Variants in AFF4 observed in about 807,000 individuals in gnomAD.
The protein encoded by AFF4 is ALF transcription elongation factor 4, also known as AF4/FMR2 family member 4.
Under a neutral mutation model 124.8 loss-of-function variants are expected in AFF4, and 13 were observed. That is an observed-to-expected ratio of 0.10 (90% CI 0.07 to 0.17). The LOEUF (loss-of-function observed/expected upper bound fraction) is 0.17. Among genes scored for constraint, AFF4 ranks in the 10% least tolerant of loss-of-function variants. The pLI, the probability that AFF4 is intolerant of heterozygous loss-of-function variation, is 1.00. For missense variants in AFF4, 1,092 were observed against 1,403.8 expected, an observed-to-expected ratio of 0.78 and a Z score of 3.55; for synonymous variants, 477 against 496.1, an observed-to-expected ratio of 0.96 and a Z score of 0.51.
chr5:132,876,285 T>G lies in AFF4; in HGVS notation c.*4774A>C, dbSNP rs1387459586. ...GCATAAAGTTGTAAAATGGGGACAC[T>G]TCTGGAACACCAACAACAAACTCAA... On this transcript the variant is annotated 3_prime_UTR_variant, in exon 21 of 21. Transcript: ENST00000265343. The G allele has an allele frequency of 5.3e-6, 1 of 188,816 alleles. No individual in the cohort carries two copies. Among genetic ancestry groups the G allele is most frequent in the East Asian group, 9.3e-5 (1 of 10,786 alleles). 11.7% of individuals were successfully genotyped at this position (188,816 alleles called of 1,614,324 possible).
rs553399104 is a variant in AFF4, at chr5:132,901,120, C to T, written c.1133+1322G>A. The T allele has an allele frequency of 2.3e-4, 227 of 985,412 alleles. No homozygotes were observed. In the Middle Eastern group the frequency reaches 4.2e-3, roughly 18 times the overall value. 61.0% of individuals were successfully genotyped at this position (985,412 alleles called of 1,614,324 possible). On this transcript the variant is annotated intron_variant, in intron 7 of 20. Transcript: ENST00000265343. ...CAGGGGCTTAGTGCATCTATCTCTA[C>T]GACTGATTTTCCTCTAAGGAAATGT...
chr5:132,886,279 G>C (rs1196412405), intron 18 of AFF4, 31 bp downstream of exon 18: 2 of 1,598,206 alleles, frequency 1.3e-6, no homozygotes, highest in East Asian at 2.2e-5. Flanking sequence ...CTGTCTCCTA[G>C]GAAACGGACC....
At chr5:132,957,357 ATTATTATTTAAAATG>A (rs1283381258) in intron 1 of AFF4, among the ~76,000 whole-genome samples, 109 of 152,012 alleles carry the variant, frequency 7.2e-4, no homozygotes, top group Middle Eastern at 3.4e-3. Context: ...AATAATTATT[ATTATTATTTAAAATG>A]TTATTATTTA....
At position 132,886,345 on chromosome 5, in the gene AFF4, G is replaced by A. The variant is rs766311195; in HGVS notation, c.3064C>T (p.Leu1022=). 6.2e-7 allele frequency: 1 copy of A among 1,614,182 alleles called. No homozygotes were observed. The highest frequency in any genetic ancestry group is 1.1e-5 in the South Asian group (1 of 91,086). ...TCTGTCAGTGTCTTTGAGTACTTCA[G>A]AGCATTTTCCTTCTTCAGTTTGAAC... ...RLFKLKKENA[L]KYSKTLTEHL... The change falls in exon 18 of 21, where the codon CTG becomes TTG. Residue 1022 remains leucine (L), a synonymous_variant. Transcript: ENST00000265343.
At chr5:132,897,322 G>C in intron 10 of AFF4, 82 bp from the exon 11 acceptor site, 1 of 1,447,976 alleles carries the variant, frequency 6.9e-7, no homozygotes, top group Non-Finnish European at 9.4e-7. Context: ...TCAAAGAAGA[G>C]GAAAAACCAC....
intron 1 of AFF4, among the ~76,000 whole-genome samples, chr5:132,937,447 A>G (rs1761458790): frequency 6.6e-6 from 1 of 152,188 alleles, no homozygotes; most frequent in African/African-American, 2.4e-5. Flanking sequence ...AACCTTATCA[A>G]TGTTTGAAGT....
chr5:132,928,230 A>C (rs1396939400), intron 4 of AFF4, among the ~76,000 whole-genome samples: 2 of 152,104 alleles, frequency 1.3e-5, no homozygotes, highest in Non-Finnish European at 2.9e-5. Context: ...AAAAAACAAA[A>C]AAACAAACAA....
At chr5:132,959,449 G>C (rs936186366) in intron 1 of AFF4, among the ~76,000 whole-genome samples, 1 of 151,804 alleles carries the variant, frequency 6.6e-6, no homozygotes, top group Non-Finnish European at 1.5e-5. Flanking sequence ...ATAAAGAATA[G>C]CTGATAAAGC....
In AFF4 at chr5:132,904,127, T is replaced by G. The variant is rs757456888; in HGVS notation, c.1087+241A>C. 3.4e-4 allele frequency: 137 copies of G among 406,514 alleles called. 2 individuals carry two copies. In the South Asian group the frequency reaches 4.2e-3, roughly 12 times the overall value. The allele number at this position is 406,514 out of a possible 1,614,324, so 25.2% of individuals were successfully genotyped here. ...AAAAAATCAGCCAGGCATAGTGGCA[T>G]GTGCCCACAGTCCCAGCTACTCAGT... On this transcript the variant is annotated intron_variant, in intron 6 of 20. Transcript: ENST00000265343.
chr5:132,926,673 A>AC (rs1761177279), intron 5 of AFF4: 2 of 130,220 alleles, frequency 1.5e-5, no homozygotes, highest in Non-Finnish European at 3.1e-5. Flanking sequence ...AGTAACTGGG[A>AC]CCACGGGCCT....
chr5:132,905,634 A>G (rs1161307178), intron 5 of AFF4, among the ~76,000 whole-genome samples: 1 of 152,200 alleles, frequency 6.6e-6, no homozygotes, highest in Non-Finnish European at 1.5e-5. Context: ...CTGGGCCTTT[A>G]TATCACATCA....
intron 7 of AFF4, among the ~76,000 whole-genome samples, chr5:132,900,155 T>C (rs1480846131): frequency 6.6e-6 from 1 of 152,258 alleles, no homozygotes; most frequent in African/African-American, 2.4e-5. Flanking sequence ...GCCAAAGTTC[T>C]AGTTCATAAA....
chr5:132,960,110 T>A (rs536738402), intron 1 of AFF4, among the ~76,000 whole-genome samples: 1 of 152,268 alleles, frequency 6.6e-6, no homozygotes, highest in East Asian at 1.9e-4. Context: ...CAGGTCAGGT[T>A]AGCTTTAGGC....
intron 1 of AFF4, among the ~76,000 whole-genome samples, chr5:132,952,915 A>T (rs1761878517): frequency 6.6e-6 from 1 of 151,946 alleles, no homozygotes; most frequent in Non-Finnish European, 1.5e-5. Context: ...AAACAAAAAA[A>T]AACACAACTC....
At chr5:132,908,990 C>T (rs1042722220) in intron 5 of AFF4, among the ~76,000 whole-genome samples, 2 of 150,960 alleles carry the variant, frequency 1.3e-5, no homozygotes, top group Non-Finnish European at 2.9e-5. Context: ...ACGCTGGTCT[C>T]GAACTCCTGA....
chr5:132,902,426 T>G lies in AFF4; in HGVS notation c.1133+16A>C. On this transcript the variant is annotated intron_variant, in intron 7 of 20. Transcript: ENST00000265343. ...CAAAAATGATAAATATTAAACTCAT[T>G]AAGCAATAAACTTACGATTTAGACT... is the stretch of plus-strand genomic sequence containing the variant. 6.3e-7 allele frequency: 1 copy of G among 1,577,444 alleles called. No individual in the cohort carries two copies. Among genetic ancestry groups the G allele is most frequent in the Non-Finnish European group, 8.7e-7 (1 of 1,147,006 alleles).
chr5:132,946,808 A>ATT (rs1419498328), intron 1 of AFF4, among the ~76,000 whole-genome samples: 14 of 152,236 alleles, frequency 9.2e-5, no homozygotes, highest in Non-Finnish European at 2.1e-4. Context: ...CAATAAAAAA[A>ATT]TTAGTACACC....
Position 132,890,706 on chromosome 5 carries a change from G to A in AFF4, c.2637+1458C>T, listed in dbSNP as rs191238087. Among the ~76,000 whole-genome samples, 9 of 152,228 alleles carry A rather than the reference G, an allele frequency of 5.9e-5. No individual in the cohort carries two copies. The East Asian group carries it at 1.7e-3, about 29-fold the overall frequency. ...CTAACAAATACTAACTTCAGTAACTGTTAAGTGCCAAGAGCTATTGAAATC... is the reference window on the plus strand; with the variant it reads ...CTAACAAATACTAACTTCAGTAACTATTAAGTGCCAAGAGCTATTGAAATC... On this transcript the variant is annotated intron_variant, in intron 13 of 20. Coordinates refer to ENST00000265343, the MANE Select transcript of AFF4 (RefSeq NM_014423.4).
At chr5:132,924,157 G>A (rs1761117695) in intron 5 of AFF4, among the ~76,000 whole-genome samples, 3 of 152,104 alleles carry the variant, frequency 2.0e-5, no homozygotes, top group African/African-American at 4.8e-5. Flanking sequence ...AGGAGGCTGA[G>A]GCAGGAGAAT....
Sources: gnomAD v4.1 joint callset for allele counts (sites outside exome capture counted in the v4.1 genomes callset) on GRCh38, gnomAD v4.1.1 for gene constraint, MANE v1.5 for transcripts, NCBI Gene and HGNC (gene_info 2026-07-23, HGNC 2026-07-21) for gene names.